The following DLG1 variants were observed in gnomAD, a reference collection of about 807,000 sequenced individuals.
DLG1 encodes the protein disks large homolog 1.
DLG1 carries 42 observed loss-of-function variants against 123.4 expected under a neutral mutation model. The observed-to-expected ratio is 0.34, with a 90% CI of 0.27 to 0.44. The LOEUF is 0.44. Among genes scored for constraint, DLG1 ranks in the 20% least tolerant of loss-of-function variants. DLG1 has a pLI of 1.00. For missense variants in DLG1, 942 were observed against 1,082.6 expected (o/e 0.87, Z 1.82); for synonymous variants, 317 against 356.2 (o/e 0.89, Z 1.24).
chr3:197,076,844 G>T (rs2149009622), intron 17 of DLG1, among the ~76,000 whole-genome samples, 159 bp from the exon 18 acceptor site: 2 of 152,168 alleles, frequency 1.3e-5, no homozygotes, highest in Middle Eastern at 6.8e-3. Context: ...TTCTACTTTT[G>T]TATAAATTCT....
At chr3:197,058,006 G>T (rs1368956038) in intron 23 of DLG1, among the ~76,000 whole-genome samples, 1 of 150,958 alleles carries the variant, frequency 6.6e-6, no homozygotes, top group Non-Finnish European at 1.5e-5. Flanking sequence ...TTGGGACAGG[G>T]TCTCGCTCTG....
At chr3:197,121,578 T>TTTTCTGTTGTTAGATTCAACAAC (rs1776397722) in intron 11 of DLG1, among the ~76,000 whole-genome samples, 2 of 151,874 alleles carry the variant, frequency 1.3e-5, no homozygotes, top group Admixed American at 1.3e-4. Context: ...AACAGACTTC[T>TTTTCTGTTGTTAGATTCAACAAC]TTTTTTTCCT....
intron 3 of DLG1, 34 bp downstream of exon 3, chr3:197,296,312 G>C: frequency 6.3e-7 from 1 of 1,593,924 alleles, no homozygotes; most frequent in South Asian, 1.1e-5. Context: ...ATAAAGCCTA[G>C]CTGGCATAAT....
chr3:197,132,582 A>G (rs188822056), intron 10 of DLG1, among the ~76,000 whole-genome samples: 70 of 152,102 alleles, frequency 4.6e-4, no homozygotes, highest in African/African-American at 1.3e-3. Context: ...TACATATTAA[A>G]TAGCTGTGGC....
In DLG1 at chr3:197,065,264, T is replaced by C; in HGVS notation, c.2373+12A>G. The C allele has an allele frequency of 6.3e-7, 1 of 1,594,134 alleles. No homozygotes were observed. The highest frequency in any genetic ancestry group is 8.5e-7 in the Non-Finnish European group (1 of 1,172,520). ...ATTAGAAGCTATATTCTGGGATTAGTCTGATGCTTACCTTTTCTGCTACTT... is the reference window on the plus strand; with the variant it reads ...ATTAGAAGCTATATTCTGGGATTAGCCTGATGCTTACCTTTTCTGCTACTT... On this transcript the variant is annotated intron_variant, in intron 22 of 24. Transcript: ENST00000667157.
intron 5 of DLG1, among the ~76,000 whole-genome samples, chr3:197,153,908 ATT>A (rs1795135221): frequency 1.3e-5 from 2 of 152,210 alleles, no homozygotes; most frequent in African/African-American, 2.4e-5. Flanking sequence ...GGAGAATCTG[ATT>A]TTCAGAGTTA....
chr3:197,097,706 G>A (rs1761410238), intron 14 of DLG1, among the ~76,000 whole-genome samples: 2 of 150,312 alleles, frequency 1.3e-5, no homozygotes, highest in African/African-American at 2.4e-5. Context: ...TCAGCCTCCT[G>A]AGTAGCTGGG....
At chr3:197,215,337 C>A (rs769207468) in intron 4 of DLG1, among the ~76,000 whole-genome samples, 8 of 151,964 alleles carry the variant, frequency 5.3e-5, no homozygotes, top group African/African-American at 1.9e-4. Context: ...AATTGAGTAT[C>A]CATTAGAAAA....
At chr3:197,165,992 G>A (rs750942419) in intron 5 of DLG1, among the ~76,000 whole-genome samples, 35 of 152,184 alleles carry the variant, frequency 2.3e-4, no homozygotes, top group Admixed American at 1.7e-3. Flanking sequence ...GCTCACGCAG[G>A]GTGAGGAAAG....
intron 5 of DLG1, among the ~76,000 whole-genome samples, chr3:197,192,052 T>C (rs1036236623): frequency 2.6e-5 from 4 of 151,844 alleles, no homozygotes; most frequent in African/African-American, 9.7e-5. Context: ...CATGTGCCTG[T>C]AGACCCAGCT....
At chr3:197,275,733 G>A (rs1432693825) in intron 4 of DLG1, among the ~76,000 whole-genome samples, 1 of 152,174 alleles carries the variant, frequency 6.6e-6, no homozygotes, top group African/African-American at 2.4e-5. Flanking sequence ...TTTATCAGAG[G>A]CTGAGAAGGG....
At chr3:197,093,376 C>G (rs1758832194) in intron 14 of DLG1, among the ~76,000 whole-genome samples, 1 of 152,138 alleles carries the variant, frequency 6.6e-6, no homozygotes, top group Non-Finnish European at 1.5e-5. Context: ...CCAGGATGGT[C>G]TCAATCTCTT....
intron 5 of DLG1, among the ~76,000 whole-genome samples, chr3:197,191,315 A>G (rs1195724298): frequency 6.6e-6 from 1 of 152,192 alleles, no homozygotes; most frequent in African/African-American, 2.4e-5. Flanking sequence ...CTGGGTAAAC[A>G]AAATCTTGTG....
intron 4 of DLG1, among the ~76,000 whole-genome samples, chr3:197,202,184 T>C (rs1215518703): frequency 6.6e-6 from 1 of 152,176 alleles, no homozygotes; most frequent in African/African-American, 2.4e-5. Flanking sequence ...AAATGTAAGA[T>C]GAGAAGAATT....
At chr3:197,062,016 A>C (rs1736166500) in intron 22 of DLG1, among the ~76,000 whole-genome samples, 1 of 152,178 alleles carries the variant, frequency 6.6e-6, no homozygotes, top group Non-Finnish European at 1.5e-5. Context: ...AGATTTTCTA[A>C]TTTAATCATT....
intron 5 of DLG1, among the ~76,000 whole-genome samples, chr3:197,155,717 G>A (rs1232314845): frequency 6.6e-6 from 1 of 151,914 alleles, no homozygotes; most frequent in Non-Finnish European, 1.5e-5. Flanking sequence ...GATGGCTTGA[G>A]CCCAGGAGTT....
At chr3:197,146,540 A>G (rs897596472) in intron 6 of DLG1, among the ~76,000 whole-genome samples, 6 of 152,124 alleles carry the variant, frequency 3.9e-5, no homozygotes, top group African/African-American at 1.4e-4. Flanking sequence ...ACAAAAACAT[A>G]AAGTGGGGAA....
chr3:197,158,315 T>C (rs1797227273), intron 5 of DLG1, among the ~76,000 whole-genome samples: 1 of 151,982 alleles, frequency 6.6e-6, no homozygotes, highest in South Asian at 2.1e-4. Context: ...TTGTGCACTT[T>C]GGTGGAAATA....
At chr3:197,098,468 C>T (rs562020363) in intron 14 of DLG1, among the ~76,000 whole-genome samples, 2 of 152,284 alleles carry the variant, frequency 1.3e-5, no homozygotes, top group Non-Finnish European at 2.9e-5. Context: ...TAAGTCAATT[C>T]CTGATAATTT....
Sources: gnomAD v4.1 joint callset for allele counts (sites outside exome capture counted in the v4.1 genomes callset) on GRCh38, gnomAD v4.1.1 for gene constraint, MANE v1.5 for transcripts, NCBI Gene and HGNC (gene_info 2026-07-23, HGNC 2026-07-21) for gene names.